Variants in VRK2 observed in about 807,000 individuals in gnomAD.
VRK2 encodes the protein VRK serine/threonine kinase 2.
In VRK2, 60 loss-of-function variants were observed where a neutral mutation model predicts 57.6. The ratio of observed to expected loss-of-function variants is 1.04; its 90% CI spans 0.85 to 1.29. VRK2 has a LOEUF of 1.29. Ranked by LOEUF, VRK2 falls within the 50% of genes most tolerant of loss-of-function variation. The pLI is 0.00. For synonymous variants in VRK2, 231 were observed against 199.2 expected (o/e 1.16, Z -1.35); for missense variants, 705 against 588.1 (o/e 1.20, Z -2.06).
In VRK2 at chr2:58,069,458, T is replaced by C. The variant is rs139561864; in HGVS notation, c.137-14631T>C. Among the ~76,000 whole-genome samples, 350 of 152,282 alleles carry C rather than the reference T, an allele frequency of 2.3e-3. 2 individuals are homozygous for C. The highest frequency in any genetic ancestry group is 8.1e-3 in the African/African-American group (336 of 41,562). On this transcript the variant is annotated intron_variant, in intron 2 of 12. Transcript: ENST00000340157. ...CCCTCCATGGTCTCCTTGGTACTTA[T>C]TCTCTGGGATCTCCTTTTTAGGTTC...
chr2:58,052,288 A>G (rs1043076999), intron 2 of VRK2, among the ~76,000 whole-genome samples: 2 of 152,146 alleles, frequency 1.3e-5, no homozygotes, highest in Non-Finnish European at 2.9e-5. Flanking sequence ...TTAGTTATTT[A>G]TTTCCATAGA....
At chr2:57,981,239 T>A (rs1672414546) in intron 1 of VRK2, among the ~76,000 whole-genome samples, 1 of 152,216 alleles carries the variant, frequency 6.6e-6, no homozygotes, top group South Asian at 2.1e-4. Flanking sequence ...CCCATGGTAA[T>A]GAATTCCTTA....
At chr2:57,996,913 C>G (rs1051699053) in intron 1 of VRK2, among the ~76,000 whole-genome samples, 1 of 151,520 alleles carries the variant, frequency 6.6e-6, no homozygotes, top group African/African-American at 2.4e-5. Context: ...TCCTGTTGTA[C>G]TTTTTTTATT....
intron 1 of VRK2, among the ~76,000 whole-genome samples, chr2:58,002,789 A>T (rs565401171): frequency 6.6e-6 from 1 of 152,360 alleles, no homozygotes; most frequent in Admixed American, 6.5e-5. Flanking sequence ...GTATTTTCAC[A>T]GAAACAATGC....
intron 7 of VRK2, among the ~76,000 whole-genome samples, chr2:58,110,310 C>A (rs1462519314): frequency 6.6e-6 from 1 of 152,038 alleles, no homozygotes. Context: ...AGAAAGCAAT[C>A]ATTTATTTTA....
At chr2:58,097,609 C>T (rs1002872446) in intron 7 of VRK2, among the ~76,000 whole-genome samples, 18 of 152,044 alleles carry the variant, frequency 1.2e-4, no homozygotes, top group African/African-American at 4.1e-4. Flanking sequence ...TAGTCAGCAA[C>T]GGACCACATA....
At chr2:57,989,781 A>T (rs924923780) in intron 1 of VRK2, among the ~76,000 whole-genome samples, 1 of 152,240 alleles carries the variant, frequency 6.6e-6, no homozygotes, top group Admixed American at 6.5e-5. Context: ...AATTTTAAAT[A>T]GAAATGATTT....
chr2:57,959,050 T>A (rs1671675225), intron 1 of VRK2, among the ~76,000 whole-genome samples: 1 of 152,228 alleles, frequency 6.6e-6, no homozygotes, highest in Admixed American at 6.5e-5. Flanking sequence ...CCTGCAAAAC[T>A]AAGAGGCAGG....
intron 1 of VRK2, among the ~76,000 whole-genome samples, chr2:57,991,799 A>T (rs1193879688): frequency 6.6e-6 from 1 of 151,406 alleles, no homozygotes; most frequent in Admixed American, 6.6e-5. Flanking sequence ...TACAAAAAAA[A>T]AAAAAAAAAT....
chr2:57,938,147 T>C (rs1168942920), intron 1 of VRK2, among the ~76,000 whole-genome samples: 1 of 152,210 alleles, frequency 6.6e-6, no homozygotes, highest in East Asian at 1.9e-4. Flanking sequence ...TTATCTTTCA[T>C]TCTTTAAAAT....
chr2:58,048,452 T>G, intron 1 of VRK2: 1 of 803,148 alleles, frequency 1.2e-6, no homozygotes, highest in South Asian at 1.7e-5. Context: ...ACATTCTCAG[T>G]GACAGCAATA....
intron 1 of VRK2, among the ~76,000 whole-genome samples, chr2:57,936,945 T>A (rs913473225): frequency 1.3e-5 from 2 of 152,188 alleles, no homozygotes; most frequent in Admixed American, 6.5e-5. Context: ...ACCAAGCTCC[T>A]TCCTTACCTG....
At chr2:57,974,014 G>A (rs1672172391) in intron 1 of VRK2, among the ~76,000 whole-genome samples, 2 of 151,848 alleles carry the variant, frequency 1.3e-5, no homozygotes, top group Admixed American at 6.6e-5. Flanking sequence ...GGAAGGTGAG[G>A]AGGTAGACAT....
chr2:57,925,436 T>G (rs950633431), intron 1 of VRK2, among the ~76,000 whole-genome samples: 1 of 152,138 alleles, frequency 6.6e-6, no homozygotes, highest in South Asian at 2.1e-4. Flanking sequence ...GTAGATTGTA[T>G]GTGTCTAGGC....
At chr2:57,932,241 C>G (rs1670752626) in intron 1 of VRK2, among the ~76,000 whole-genome samples, 1 of 152,032 alleles carries the variant, frequency 6.6e-6, no homozygotes, top group Non-Finnish European at 1.5e-5. Flanking sequence ...GTTCCCTCCT[C>G]TTCAATTTTT....
chr2:57,979,213 TG>T (rs1426879619), intron 1 of VRK2, among the ~76,000 whole-genome samples: 7 of 151,278 alleles, frequency 4.6e-5, no homozygotes, highest in Non-Finnish European at 8.8e-5. Flanking sequence ...ATGGTATTTC[TG>T]GTTCTAGATC....
At chr2:58,067,163 C>T (rs1668719903) in intron 2 of VRK2, among the ~76,000 whole-genome samples, 1 of 152,150 alleles carries the variant, frequency 6.6e-6, no homozygotes, top group Non-Finnish European at 1.5e-5. Flanking sequence ...TGGACTCACA[C>T]CAGTGGTTTT....
chr2:58,106,197 G>A (rs1427236928), intron 7 of VRK2, among the ~76,000 whole-genome samples: 1 of 151,862 alleles, frequency 6.6e-6, no homozygotes, highest in Admixed American at 6.6e-5. Flanking sequence ...TTGAGAACTT[G>A]TGTCAAAAGG....
At chr2:58,083,971 T>A in intron 2 of VRK2, 118 bp from the exon 3 acceptor site, 3 of 1,049,060 alleles carry the variant, frequency 2.9e-6, no homozygotes, top group Non-Finnish European at 4.0e-6. Flanking sequence ...AAAAGGTTGT[T>A]GGGATGACAT....
Sources: allele counts gnomAD v4.1 joint callset (sites outside exome capture counted in the v4.1 genomes callset), GRCh38; gene constraint gnomAD v4.1.1; transcripts MANE v1.5; gene names NCBI Gene and HGNC (gene_info 2026-07-23, HGNC 2026-07-21).